Variants in EHD3 observed in about 807,000 individuals in gnomAD.
EHD3 encodes the protein EH domain-containing protein 3.
Under a neutral mutation model 43.0 loss-of-function variants are expected in EHD3, and 17 were observed. That is an observed-to-expected ratio of 0.40 (90% confidence interval 0.27 to 0.59). The LOEUF (loss-of-function observed/expected upper bound fraction) is 0.59, where lower values mean the gene tolerates loss of function less well. Ranked by LOEUF, EHD3 falls within the 20% of genes least tolerant of loss-of-function variation. EHD3 has a pLI of 0.49. For synonymous variants in EHD3, 313 were observed against 289.5 expected (o/e 1.08, Z -0.82); for missense variants, 594 against 705.6 (o/e 0.84, Z 1.79).
intron 5 of EHD3, among the ~76,000 whole-genome samples, chr2:31,262,547 G>A (rs148620620): frequency 6.6e-6 from 1 of 152,298 alleles, no homozygotes; most frequent in African/African-American, 2.4e-5. Context: ...ATCATTAGGT[G>A]GGCAGAGGGA....
At chr2:31,263,890 C>T (rs955209974) in intron 5 of EHD3, among the ~76,000 whole-genome samples, 8 of 152,170 alleles carry the variant, frequency 5.3e-5, no homozygotes, top group Non-Finnish European at 8.8e-5. Flanking sequence ...GTTCTAGACT[C>T]GAAAACTTTC....
intron 5 of EHD3, among the ~76,000 whole-genome samples, chr2:31,264,378 C>A (rs1046025354): frequency 4.6e-5 from 7 of 152,086 alleles, no homozygotes; most frequent in African/African-American, 1.7e-4. Context: ...TTTGGGTGGG[C>A]CAGTGAGTGA....
At position 31,266,651 on chromosome 2, in the gene EHD3, A is replaced by C; in HGVS notation, c.1555A>C (p.Asn519His). Residue 519 changes from asparagine to histidine, a missense_variant, in exon 6 of 6, where the codon AAC becomes CAC. Physicochemically the swap from Asn to His is moderately conservative, Grantham distance 68 (BLOSUM62 1). Coordinates refer to ENST00000322054, the MANE Select transcript of EHD3 (RefSeq NM_014600.3). This position sits in a 1 kb window ranked among gnomAD's most constrained non-coding sequence, Gnocchi z 5.1. ...CAAGCTGGAGGGGCACGAGCTGCCC[A>C]ACGAGCTGCCTGCCCACCTCCTGCC... ...KVKLEGHELP[N>H]ELPAHLLPPS... 1 of 1,612,918 alleles carries C rather than the reference A, an allele frequency of 6.2e-7. No homozygotes were observed. The highest frequency in any genetic ancestry group is 8.5e-7 in the Non-Finnish European group (1 of 1,179,212).
In EHD3 at chr2:31,260,937, TG is replaced by T. The variant is rs1439372013; in HGVS notation, c.915+18del. The T allele has an allele frequency of 6.3e-7, 1 of 1,578,716 alleles. No homozygotes were observed. The highest frequency in any genetic ancestry group is 1.8e-5 in the Admixed American group (1 of 55,664). On this transcript the variant is annotated intron_variant, in intron 4 of 5. Coordinates refer to ENST00000322054, the MANE Select transcript of EHD3 (RefSeq NM_014600.3). The surrounding 1 kb of genome is among the most constrained non-coding windows in gnomAD (Gnocchi z 4.6). ...GGCTGGCCAAGGTGAGGCAGCCCCCTGGGAGGTGGGCAGCTTGGGCAGGGGC... is the reference window on the plus strand; with the variant it reads ...GGCTGGCCAAGGTGAGGCAGCCCCCTGGAGGTGGGCAGCTTGGGCAGGGGC...
chr2:31,236,719 A>G (rs1558645750), intron 1 of EHD3, among the ~76,000 whole-genome samples: 2 of 152,216 alleles, frequency 1.3e-5, no homozygotes, highest in Non-Finnish European at 2.9e-5. Context: ...ATCATTGACA[A>G]GACAACATCC....
intron 3 of EHD3, among the ~76,000 whole-genome samples, chr2:31,253,757 G>A (rs1683686386): frequency 6.6e-6 from 1 of 152,162 alleles, no homozygotes; most frequent in African/African-American, 2.4e-5. Flanking sequence ...AGAAGGCTGG[G>A]GTGCCCGGGA....
In EHD3 at chr2:31,250,238, A is replaced by G. The variant is rs557843453; in HGVS notation, c.502+770A>G. Among the ~76,000 whole-genome samples, 855 of 151,594 alleles carry G rather than the reference A, an allele frequency of 5.6e-3. 7 individuals are homozygous for G. The highest frequency in any genetic ancestry group is 7.9e-3 in the Non-Finnish European group (534 of 67,930). ...AAGTACCTAGTAACCATGAGGGATT[A>G]TAGATGATCATCATCATCATCGTTG... On this transcript the variant is annotated intron_variant, in intron 3 of 5. Coordinates refer to ENST00000322054, the MANE Select transcript of EHD3 (RefSeq NM_014600.3).
At chr2:31,244,480 G>C (rs1445796762) in intron 2 of EHD3, 30 bp downstream of exon 2, 4 of 1,604,988 alleles carry the variant, frequency 2.5e-6, no homozygotes, top group Non-Finnish European at 3.4e-6. Context: ...AACACTTTCA[G>C]GTGCTCTCTT....
chr2:31,245,760 T>TTTTTG (rs1683510804), intron 2 of EHD3, among the ~76,000 whole-genome samples: 2 of 145,072 alleles, frequency 1.4e-5, no homozygotes, highest in African/African-American at 2.5e-5. Flanking sequence ...TTTTTTTTTT[T>TTTTTG]AGTAGAGACA....
chr2:31,244,427 C>G lies in EHD3; in HGVS notation c.381C>G (p.Ala127=), dbSNP rs1487827162. The change falls in exon 2 of 6, where the codon GCC becomes GCG. Residue 127 remains alanine (A), a synonymous_variant. Transcript: ENST00000322054. ...AGAAACCCTTCAGGAAACTCAACGC[C>G]TTTGGCAACGCCTTCTTGAACAGGT... ...DPKKPFRKLN[A]FGNAFLNRFV... The G allele has an allele frequency of 6.2e-6, 10 of 1,613,982 alleles. No individual in the cohort carries two copies. Among genetic ancestry groups the G allele is most frequent in the Non-Finnish European group, 7.6e-6 (9 of 1,180,000 alleles).
Position 31,267,008 on chromosome 2 carries a change from T to G in EHD3, c.*304T>G. 1 of 361,068 alleles carries G rather than the reference T, an allele frequency of 2.8e-6. No individual in the cohort carries two copies. Among genetic ancestry groups the G allele is most frequent in the Non-Finnish European group, 5.0e-6 (1 of 200,486 alleles). 22.4% of individuals were successfully genotyped at this position (361,068 alleles called of 1,614,324 possible). ...TCCCCAGATACCAGACCTGAGGCAA[T>G]TCACTTGCCAGCACAGATGGCCAAC... On this transcript the variant is annotated 3_prime_UTR_variant, in exon 6 of 6. Coordinates refer to ENST00000322054, the MANE Select transcript of EHD3 (RefSeq NM_014600.3).
chr2:31,261,458 G>A (rs1296416519), intron 4 of EHD3, 91 bp from the exon 5 acceptor site: 1 of 1,451,132 alleles, frequency 6.9e-7, no homozygotes, highest in Non-Finnish European at 9.5e-7. Flanking sequence ...CGGGAGGGAT[G>A]TAGGGGAAGG....
intron 3 of EHD3, among the ~76,000 whole-genome samples, chr2:31,251,208 C>T (rs2148719633): frequency 6.6e-6 from 1 of 152,332 alleles, no homozygotes; most frequent in Middle Eastern, 3.4e-3. Context: ...GTCCTCTCTG[C>T]AGAAAGCAGC....
rs1683965149 is a variant in EHD3 at position 31,266,905 on chromosome 2, G to A, written c.*201G>A. 1 of 650,312 alleles carries A rather than the reference G, an allele frequency of 1.5e-6. No homozygotes were observed. The highest frequency in any genetic ancestry group is 2.5e-6 in the Non-Finnish European group (1 of 394,786). 40.3% of individuals were successfully genotyped at this position (650,312 alleles called of 1,614,324 possible). On this transcript the variant is annotated 3_prime_UTR_variant, in exon 6 of 6. Transcript: ENST00000322054. The surrounding 1 kb of genome is among the most constrained non-coding windows in gnomAD (Gnocchi z 5.1). ...TTTGGGCACACCTCCAAGTTCTCGG[G>A]ATTAGAAGGACAAGAGCACTCCCAG...
chr2:31,242,533 G>A (rs1344855379), intron 1 of EHD3, among the ~76,000 whole-genome samples: 3 of 152,206 alleles, frequency 2.0e-5, no homozygotes, highest in Non-Finnish European at 4.4e-5. Flanking sequence ...CTCATTTGCT[G>A]AACATACCTA....
intron 5 of EHD3, among the ~76,000 whole-genome samples, chr2:31,262,756 T>C (rs1432364842): frequency 6.6e-6 from 1 of 151,986 alleles, no homozygotes; most frequent in Non-Finnish European, 1.5e-5. Flanking sequence ...GTAATAAAAC[T>C]ACAAAAAAAT....
rs1266371746 is a variant in EHD3, at chr2:31,243,452, C to CTTTT, written c.228-819_228-818insTTTT. ...TCTTTCTTTCTTTCTTTCTTTCTTT[C>CTTTT]TTTCTTTCTTTTTTTTTTTTTGAGA... On this transcript the variant is annotated intron_variant, in intron 1 of 5. Transcript: ENST00000322054. Among the ~76,000 whole-genome samples the CTTTT allele has an allele frequency of 4.9e-3, 169 of 34,826 alleles. 4 individuals carry two copies. The highest frequency in any genetic ancestry group is 0.015 in the African/African-American group (157 of 10,620). 22.8% of individuals were successfully genotyped at this position (34,826 alleles called of 152,430 possible).
chr2:31,254,843 T>C (rs1253922302), intron 3 of EHD3, among the ~76,000 whole-genome samples: 1 of 152,208 alleles, frequency 6.6e-6, no homozygotes, highest in East Asian at 1.9e-4. Context: ...CCAGATTCCC[T>C]GTCCTGTAAG....
At chr2:31,244,011 C>G (rs888337137) in intron 1 of EHD3, among the ~76,000 whole-genome samples, 11 of 151,954 alleles carry the variant, frequency 7.2e-5, no homozygotes, top group African/African-American at 2.7e-4. Flanking sequence ...CTCCTTCTAC[C>G]CCCGCCCACC....
Sources: allele counts gnomAD v4.1 joint callset (sites outside exome capture counted in the v4.1 genomes callset), GRCh38; gene constraint gnomAD v4.1.1; non-coding constraint Gnocchi (gnomAD v3.1); transcripts MANE v1.5; gene names NCBI Gene and HGNC (gene_info 2026-07-23, HGNC 2026-07-21).